ANKRD12: variants seen among roughly 807,000 people sequenced by gnomAD.
ANKRD12 encodes ankyrin repeat domain-containing protein 12.
ANKRD12 carries 85 observed loss-of-function variants against 183.4 expected under a neutral mutation model. The ratio of observed to expected loss-of-function variants is 0.46; its 90% confidence interval spans 0.39 to 0.56. The LOEUF (loss-of-function observed/expected upper bound fraction) is 0.56. ANKRD12 is among the 20% of genes least tolerant of loss of function. The pLI, the probability that ANKRD12 is intolerant of heterozygous loss-of-function variation, is 0.00. For synonymous variants in ANKRD12, 914 were observed against 800.2 expected, an observed-to-expected ratio of 1.14 and a Z score of -2.40; for missense variants, 2,405 against 2,357.1, an observed-to-expected ratio of 1.02 and a Z score of -0.42.
At chr18:9,231,699 C>T (rs1308908451) in intron 8 of ANKRD12, among the ~76,000 whole-genome samples, 1 of 151,714 alleles carries the variant, frequency 6.6e-6, no homozygotes, top group Non-Finnish European at 1.5e-5. Flanking sequence ...GTGGCAGGCG[C>T]CTGTAGTCCC....
chr18:9,241,390 G>A (rs1011910463), intron 8 of ANKRD12, among the ~76,000 whole-genome samples: 1 of 152,058 alleles, frequency 6.6e-6, no homozygotes, highest in Non-Finnish European at 1.5e-5. Context: ...GTAGCTTCCA[G>A]TGTATTTATT....
chr18:9,259,113 C>T (rs950078935), intron 9 of ANKRD12, among the ~76,000 whole-genome samples, 182 bp downstream of exon 9: 1 of 152,090 alleles, frequency 6.6e-6, no homozygotes, highest in African/African-American at 2.4e-5. Context: ...TTTATTTTCC[C>T]TTAAAGAGTA....
chr18:9,211,147 T>C (rs2035781188), intron 5 of ANKRD12, among the ~76,000 whole-genome samples: 1 of 152,138 alleles, frequency 6.6e-6, no homozygotes, highest in South Asian at 2.1e-4. Context: ...GTTATGACCT[T>C]GATTTGCACA....
chr18:9,205,544 G>A (rs2035438760), intron 4 of ANKRD12, among the ~76,000 whole-genome samples: 1 of 151,904 alleles, frequency 6.6e-6, no homozygotes, highest in African/African-American at 2.4e-5. Context: ...AATTGAGGGG[G>A]TGGGGCATAT....
At chr18:9,188,901 C>A (rs2034278853) in intron 2 of ANKRD12, among the ~76,000 whole-genome samples, 1 of 152,084 alleles carries the variant, frequency 6.6e-6, no homozygotes, top group Non-Finnish European at 1.5e-5. Context: ...TTTCCTAAAA[C>A]AACAATTTTG....
intron 8 of ANKRD12, among the ~76,000 whole-genome samples, chr18:9,229,335 C>T (rs1196374055): frequency 6.6e-6 from 1 of 152,056 alleles, no homozygotes; most frequent in Non-Finnish European, 1.5e-5. Flanking sequence ...TGAAAAATGA[C>T]ATTGATATTT....
chr18:9,197,525 G>C (rs1226429843), intron 3 of ANKRD12, among the ~76,000 whole-genome samples: 2 of 151,902 alleles, frequency 1.3e-5, no homozygotes, highest in African/African-American at 2.4e-5. Context: ...CTAATAGCCT[G>C]CTTTTGACCA....
intron 1 of ANKRD12, among the ~76,000 whole-genome samples, chr18:9,169,796 T>C (rs1221955968): frequency 6.6e-6 from 1 of 152,250 alleles, no homozygotes; most frequent in Non-Finnish European, 1.5e-5. Flanking sequence ...TGATGCAGTT[T>C]CTTCCTAGCA....
chr18:9,157,585 G>A (rs4798780), intron 1 of ANKRD12, among the ~76,000 whole-genome samples: 60,844 of 93,618 alleles, frequency 0.65, 21,437 homozygotes, highest in South Asian at 0.85. Context: ...GTGTGTGTGT[G>A]TATATATATA....
At chr18:9,271,339 C>T (rs1339355131) in intron 10 of ANKRD12, among the ~76,000 whole-genome samples, 1 of 152,084 alleles carries the variant, frequency 6.6e-6, no homozygotes, top group African/African-American at 2.4e-5. Flanking sequence ...TCCTGGCTAA[C>T]ATGGTGAAAC....
intron 6 of ANKRD12, among the ~76,000 whole-genome samples, chr18:9,216,224 C>T (rs1395919317): frequency 6.6e-6 from 1 of 152,128 alleles, no homozygotes; most frequent in Non-Finnish European, 1.5e-5. Flanking sequence ...TCTTCTCCCT[C>T]TGCCACCTCT....
At chr18:9,140,643 C>T (rs973830847) in intron 1 of ANKRD12, among the ~76,000 whole-genome samples, 1 of 152,110 alleles carries the variant, frequency 6.6e-6, no homozygotes, top group African/African-American at 2.4e-5. Context: ...CCTTTAAAAA[C>T]TCAGCTTTGA....
intron 8 of ANKRD12, among the ~76,000 whole-genome samples, chr18:9,244,931 T>C (rs1341369584): frequency 6.6e-6 from 1 of 152,220 alleles, no homozygotes. Context: ...GATTATTTTA[T>C]AGGTAGCGTT....
chr18:9,265,800 G>C (rs554237256), intron 10 of ANKRD12, among the ~76,000 whole-genome samples: 11 of 152,262 alleles, frequency 7.2e-5, no homozygotes, highest in African/African-American at 2.6e-4. Context: ...AGAGAAGAAG[G>C]CTTCAGATGA....
Position 9,256,549 on chromosome 18 carries a change from G to C in ANKRD12, c.3282G>C (p.Trp1094Cys). ...TTAAAGACCTAGAAATAGAACAGTG[G>C]CACAAAAAACATAAGGAAAAAATTA... ...LSLKDLEIEQWHKKHKEKIKQ... is the reference protein window; with the variant it reads ...LSLKDLEIEQCHKKHKEKIKQ... Residue 1094 changes from tryptophan (W) to cysteine (C), a missense_variant, in exon 9 of 13, where the codon TGG (tryptophan) becomes TGC (cysteine). Trp to Cys is a radical substitution (Grantham distance 215). Around this residue, in one of 7 missense-constraint regions of ANKRD12, gnomAD observed 1,983 missense variants for 1,725.9 expected, o/e 1.15. Transcript: ENST00000262126. The C allele has an allele frequency of 6.3e-7, 1 of 1,598,002 alleles. No homozygotes were observed. Among genetic ancestry groups the C allele is most frequent in the Non-Finnish European group, 8.5e-7 (1 of 1,176,210 alleles).
At chr18:9,204,648 T>C in intron 4 of ANKRD12, 104 bp downstream of exon 4, 3 of 882,450 alleles carry the variant, frequency 3.4e-6, no homozygotes, top group South Asian at 3.6e-5. Context: ...CATATAGATA[T>C]CTTTGGTTAA....
intron 10 of ANKRD12, among the ~76,000 whole-genome samples, 191 bp from the exon 11 acceptor site, chr18:9,275,333 C>T (rs570231822): frequency 6.6e-6 from 1 of 151,958 alleles, no homozygotes; most frequent in African/African-American, 2.4e-5. Context: ...ATTAGCTGTG[C>T]TTCATGGCAC....
chr18:9,167,599 A>G (rs1401308308), intron 1 of ANKRD12, among the ~76,000 whole-genome samples: 4 of 152,174 alleles, frequency 2.6e-5, no homozygotes, highest in African/African-American at 7.2e-5. Flanking sequence ...GTTGCTTATC[A>G]GCTTGAGGAG....
At chr18:9,279,433 T>G in intron 11 of ANKRD12, 116 bp from the exon 12 acceptor site, 1 of 651,266 alleles carries the variant, frequency 1.5e-6, no homozygotes, top group South Asian at 1.9e-5. Flanking sequence ...TATATATTTC[T>G]CAAAATATAT....
Sources: gnomAD v4.1 joint callset for allele counts (sites outside exome capture counted in the v4.1 genomes callset) on GRCh38, gnomAD v4.1.1 for gene constraint, gnomAD v4.1.1 regional missense constraint, MANE v1.5 for transcripts, NCBI Gene and HGNC (gene_info 2026-07-23, HGNC 2026-07-21) for gene names.